The following MICAL3 variants were observed in gnomAD, a reference collection of about 807,000 sequenced individuals.
MICAL3 encodes microtubule associated monooxygenase, calponin and LIM domain containing 3, also known as [F-actin]-monooxygenase MICAL3.
A neutral mutation model predicts 207.4 loss-of-function variants in MICAL3; 62 were observed. The observed-to-expected ratio is 0.30, with a 90% CI of 0.24 to 0.37. MICAL3 has a LOEUF of 0.37. Among genes scored for constraint, MICAL3 ranks in the 10% least tolerant of loss-of-function variants. The pLI, the probability that MICAL3 is intolerant of heterozygous loss-of-function variation, is 1.00. For synonymous variants in MICAL3, 1,077 were observed against 1,069.3 expected, an observed-to-expected ratio of 1.01 and a Z score of -0.14; for missense variants, 2,368 against 2,635.6, an observed-to-expected ratio of 0.90 and a Z score of 2.22.
At position 17,953,930 on chromosome 22, in the gene MICAL3, CAAAAAAAAAAAAAAAAA is replaced by C. The variant is rs59740388; in HGVS notation, c.-74-47061_-74-47045del. ...CAGGTGACAGAGTAAGACTCCATCT[CAAAAAAAAAAAAAAAAA>C]AAAAAAAAAAAAAAAAAAAAGAAAA... On this transcript the variant is annotated intron_variant, in intron 1 of 31. Coordinates refer to ENST00000441493, the MANE Select transcript of MICAL3 (RefSeq NM_015241.3). 8.3e-4 allele frequency among the ~76,000 whole-genome samples: 72 copies of C among 86,518 alleles called. 1 individual carries two copies. The highest frequency in any genetic ancestry group is 0.011 in the Middle Eastern group (2 of 176). The allele number at this position is 86,518 out of a possible 152,430, so 56.8% of individuals were successfully genotyped here.
At chr22:17,883,937 G>A (rs1929643198) in intron 16 of MICAL3, among the ~76,000 whole-genome samples, 1 of 152,162 alleles carries the variant, frequency 6.6e-6, no homozygotes, top group Admixed American at 6.5e-5. Flanking sequence ...GAGGAAACAT[G>A]CTAGAAAAAA....
chr22:17,972,086 C>T (rs1935438122), intron 1 of MICAL3, among the ~76,000 whole-genome samples: 1 of 152,234 alleles, frequency 6.6e-6, no homozygotes, highest in South Asian at 2.1e-4. Context: ...CTCCTCAAGG[C>T]AAACACTAAG....
chr22:17,965,142 A>C (rs1018518885), intron 1 of MICAL3, among the ~76,000 whole-genome samples: 14 of 140,892 alleles, frequency 9.9e-5, no homozygotes, highest in Non-Finnish European at 1.5e-4. Flanking sequence ...AAAAGAAGAG[A>C]GTTTGAGACC....
intron 1 of MICAL3, among the ~76,000 whole-genome samples, chr22:17,997,204 C>G (rs567066559): frequency 2.0e-4 from 31 of 151,790 alleles, no homozygotes; most frequent in African/African-American, 7.0e-4. Flanking sequence ...GCTGGGACCA[C>G]AGGTACACAC....
intron 1 of MICAL3, among the ~76,000 whole-genome samples, chr22:17,949,798 A>G (rs1484079235): frequency 6.6e-6 from 1 of 152,230 alleles, no homozygotes; most frequent in African/African-American, 2.4e-5. Flanking sequence ...ATAAAACATG[A>G]TAAGGACAAC....
chr22:17,884,494 G>A, intron 16 of MICAL3: 1 of 632,558 alleles, frequency 1.6e-6, no homozygotes, highest in Non-Finnish European at 2.7e-6. Flanking sequence ...GGAAGAGGGG[G>A]ACTCATTCTT....
intron 17 of MICAL3, among the ~76,000 whole-genome samples, chr22:17,867,359 C>T (rs190019920): frequency 3.9e-5 from 6 of 152,336 alleles, no homozygotes; most frequent in Non-Finnish European, 5.9e-5. Flanking sequence ...AGTGGAGCCA[C>T]GGGTTGTTGC....
chr22:17,897,956 C>T (rs1930990918), intron 7 of MICAL3, among the ~76,000 whole-genome samples: 1 of 152,178 alleles, frequency 6.6e-6, no homozygotes, highest in Admixed American at 6.5e-5. Flanking sequence ...TTCTAAGTGG[C>T]CATGATGGTC....
At chr22:17,979,359 A>G (rs893102904) in intron 1 of MICAL3, among the ~76,000 whole-genome samples, 3 of 152,172 alleles carry the variant, frequency 2.0e-5, no homozygotes, top group African/African-American at 7.2e-5. Context: ...AGCCTGGCCA[A>G]CGTGGCGAAA....
rs1302951910 is a variant in MICAL3 at position 17,796,684 on chromosome 22, C to T, written c.5651-5383G>A. Among the ~76,000 whole-genome samples the T allele has an allele frequency of 3.3e-5, 5 of 152,182 alleles. No homozygotes were observed. The highest frequency in any genetic ancestry group is 2.0e-4 in the Admixed American group (3 of 15,282). ...CAGAATGTCACACCTGGAAGGGAGG[C>T]CCGATGTCCCTTCCTGCCTCGTCTT... is the stretch of plus-strand genomic sequence containing the variant. On this transcript the variant is annotated intron_variant, in intron 29 of 31. Coordinates refer to ENST00000441493, the MANE Select transcript of MICAL3 (RefSeq NM_015241.3). The surrounding 1 kb of genome is among the most constrained non-coding windows in gnomAD (Gnocchi z 4.4).
chr22:17,916,168 T>C (rs1320662558), intron 1 of MICAL3, among the ~76,000 whole-genome samples: 2 of 152,030 alleles, frequency 1.3e-5, no homozygotes, highest in African/African-American at 4.8e-5. Flanking sequence ...CTTCTCGGCA[T>C]TCTTCCGCAA....
chr22:17,840,905 G>A (rs979451174), intron 20 of MICAL3: 1 of 152,280 alleles, frequency 6.6e-6, no homozygotes, highest in African/African-American at 2.4e-5. Flanking sequence ...GCCCAAGAAT[G>A]AATCTAGGCA....
Position 17,982,726 on chromosome 22 carries a change from T to TAACA in MICAL3, c.-75+41551_-75+41554dup, listed in dbSNP as rs1426099390. Among the ~76,000 whole-genome samples, 14 of 134,366 alleles carry TAACA rather than the reference T, an allele frequency of 1.0e-4. No individual in the cohort carries two copies. In the East Asian group the frequency reaches 1.6e-3, roughly 15 times the overall value. 88.1% of individuals were successfully genotyped at this position (134,366 alleles called of 152,430 possible). A position where few individuals can be genotyped will look rare whatever the true frequency, so the allele number is the denominator to read the frequency against. On this transcript the variant is annotated intron_variant, in intron 1 of 31. Coordinates refer to ENST00000441493, the MANE Select transcript of MICAL3 (RefSeq NM_015241.3). ...ATAACATAACATAACAAACATAACA[T>TAACA]AACATAAAAATAAAATAAAATAAAA...
intron 1 of MICAL3, among the ~76,000 whole-genome samples, chr22:17,914,319 G>A (rs1932335548): frequency 1.3e-5 from 2 of 152,146 alleles, no homozygotes; most frequent in Admixed American, 1.3e-4. Context: ...CTGCTAAACT[G>A]TAGTGTTAAA....
At chr22:17,826,246 G>A (rs762811335) in intron 22 of MICAL3, among the ~76,000 whole-genome samples, 76 of 148,716 alleles carry the variant, frequency 5.1e-4, no homozygotes, top group Non-Finnish European at 7.5e-4. Context: ...CTGCCCTCAC[G>A]TTTCCCTCTG....
chr22:17,973,172 G>A (rs1412551307), intron 1 of MICAL3, among the ~76,000 whole-genome samples: 3 of 152,224 alleles, frequency 2.0e-5, no homozygotes, highest in African/African-American at 4.8e-5. Flanking sequence ...GAAGAGAGGT[G>A]TGTGCATGCA....
At chr22:17,872,803 C>T (rs1927856467) in intron 16 of MICAL3, 9 of 1,613,878 alleles carry the variant, frequency 5.6e-6, no homozygotes, top group Non-Finnish European at 7.6e-6. Context: ...AGCTGATTGG[C>T]TATCTGCTCA....
intron 1 of MICAL3, among the ~76,000 whole-genome samples, chr22:17,907,465 C>A (rs879886969): frequency 6.6e-6 from 1 of 152,176 alleles, no homozygotes; most frequent in African/African-American, 2.4e-5. Flanking sequence ...GAGCAGTGAG[C>A]CCCTTCCTCA....
At chr22:17,889,899 T>C (rs1014293365) in intron 12 of MICAL3, among the ~76,000 whole-genome samples, 1 of 152,220 alleles carries the variant, frequency 6.6e-6, no homozygotes, top group Non-Finnish European at 1.5e-5. Context: ...CAAAACATGA[T>C]ACATCTCCCA....
Sources: gnomAD v4.1 joint callset for allele counts (sites outside exome capture counted in the v4.1 genomes callset) on GRCh38, gnomAD v4.1.1 for gene constraint, Gnocchi (gnomAD v3.1) non-coding constraint, MANE v1.5 for transcripts, NCBI Gene and HGNC (gene_info 2026-07-23, HGNC 2026-07-21) for gene names.